STX17: variants seen among roughly 807,000 people sequenced by gnomAD.
STX17 encodes syntaxin-17.
A neutral mutation model predicts 35.9 loss-of-function variants in STX17; 29 were observed. The observed-to-expected ratio is 0.81, with a 90% CI of 0.60 to 1.10. STX17 has a LOEUF of 1.10. Among genes scored for constraint, STX17 ranks in the 50% least tolerant of loss-of-function variants. STX17 has a pLI of 0.00. For synonymous variants in STX17, 92 were observed against 118.3 expected (o/e 0.78, Z 1.44); for missense variants, 312 against 352.3 (o/e 0.89, Z 0.92).
intron 6 of STX17, 118 bp from the exon 7 acceptor site, chr9:99,967,534 AC>A (rs1829939485): frequency 1.5e-6 from 1 of 655,238 alleles, no homozygotes; most frequent in Non-Finnish European, 2.6e-6. Context: ...TTAATGAACC[AC>A]TATTAAGATG....
chr9:99,938,895 T>C (rs1829295209), intron 3 of STX17, among the ~76,000 whole-genome samples: 1 of 152,088 alleles, frequency 6.6e-6, no homozygotes. Context: ...AGTGATGATG[T>C]AGAACTTGTT....
intron 3 of STX17, among the ~76,000 whole-genome samples, chr9:99,929,641 A>G (rs1273728287): frequency 2.0e-5 from 3 of 151,130 alleles, no homozygotes; most frequent in Admixed American, 6.6e-5. Flanking sequence ...CTAGGTTCCT[A>G]CCTTGCTCTC....
chr9:99,955,352 T>C (rs1205074496), intron 4 of STX17, among the ~76,000 whole-genome samples: 1 of 152,128 alleles, frequency 6.6e-6, no homozygotes, highest in Non-Finnish European at 1.5e-5. Context: ...TATTATATGA[T>C]TCAGAAGATG....
intron 3 of STX17, among the ~76,000 whole-genome samples, chr9:99,931,959 G>A (rs1829133938): frequency 6.6e-6 from 1 of 152,126 alleles, no homozygotes. Context: ...TTCACTTAAG[G>A]ATGCTTGGGC....
chr9:99,931,161 A>G (rs1323471236), intron 3 of STX17, among the ~76,000 whole-genome samples: 1 of 152,090 alleles, frequency 6.6e-6, no homozygotes, highest in Non-Finnish European at 1.5e-5. Flanking sequence ...TTGTATTTTT[A>G]GTAGAAACGG....
Position 99,968,704 on chromosome 9 carries a change from A to G in STX17, c.*31A>G, listed in dbSNP as rs1401395938. On this transcript the variant is annotated 3_prime_UTR_variant, in exon 8 of 8. Transcript: ENST00000259400. ...AAATTTCAGTATTATTGGTGCCAACATGTCTATCCTGAGGACCTTTGCTGC... is the reference window on the plus strand; with the variant it reads ...AAATTTCAGTATTATTGGTGCCAACGTGTCTATCCTGAGGACCTTTGCTGC... 2 of 1,598,558 alleles carry G rather than the reference A, an allele frequency of 1.3e-6. No individual in the cohort carries two copies. The highest frequency in any genetic ancestry group is 1.1e-5 in the South Asian group (1 of 87,602).
At chr9:99,923,515 A>G (rs775375856) in intron 2 of STX17, among the ~76,000 whole-genome samples, 3 of 152,192 alleles carry the variant, frequency 2.0e-5, no homozygotes, top group Admixed American at 6.5e-5. Context: ...ACAGTCACCA[A>G]CACAGAAGAC....
chr9:99,945,220 A>G (rs1050040336), intron 3 of STX17, among the ~76,000 whole-genome samples: 2 of 151,878 alleles, frequency 1.3e-5, no homozygotes, highest in Non-Finnish European at 2.9e-5. Flanking sequence ...TTCCCTTATG[A>G]TTGTGGATTT....
chr9:99,959,591 C>G (rs1440637249), intron 4 of STX17, among the ~76,000 whole-genome samples: 1 of 151,280 alleles, frequency 6.6e-6, no homozygotes, highest in African/African-American at 2.4e-5. Flanking sequence ...TCCCAAGTAG[C>G]TGGGACTACA....
chr9:99,955,998 G>A (rs1459384165), intron 4 of STX17, among the ~76,000 whole-genome samples: 1 of 152,102 alleles, frequency 6.6e-6, no homozygotes, highest in African/African-American at 2.4e-5. Context: ...TTAAATGCAA[G>A]CTGGAATAAA....
rs898255592 is a variant in STX17 at position 99,970,598 on chromosome 9, A to G, written c.*1925A>G. 3.3e-5 allele frequency among the ~76,000 whole-genome samples: 5 copies of G among 152,194 alleles called. No homozygotes were observed. Among genetic ancestry groups the G allele is most frequent in the African/African-American group, 1.2e-4 (5 of 41,446 alleles). ...TACTAAAGCAAGATTCCTAAACCTC[A>G]GTTCCAGGGGTAATTCTGACATCAC... On this transcript the variant is annotated 3_prime_UTR_variant, in exon 8 of 8. Transcript: ENST00000259400.
rs1829887763 is a variant in STX17, at chr9:99,964,995, G to A, written c.583-2658G>A. Among the ~76,000 whole-genome samples, 3 of 152,114 alleles carry A rather than the reference G, an allele frequency of 2.0e-5. No individual in the cohort carries two copies. In the South Asian group the frequency reaches 6.2e-4, roughly 32 times the overall value. On this transcript the variant is annotated intron_variant, in intron 6 of 7. Transcript: ENST00000259400. ...CGTGCACAATCGAGGGGTGATTATTGATCCCAGGATAGGGGCTGTCTGCCC... is the reference window on the plus strand; with the variant it reads ...CGTGCACAATCGAGGGGTGATTATTAATCCCAGGATAGGGGCTGTCTGCCC...
At chr9:99,934,591 GC>G (rs1476037060) in intron 3 of STX17, among the ~76,000 whole-genome samples, 1 of 152,094 alleles carries the variant, frequency 6.6e-6, no homozygotes, top group Non-Finnish European at 1.5e-5. Context: ...TGACTCTGGA[GC>G]CCTTAGCAAT....
chr9:99,908,351 A>G (rs578044124), intron 1 of STX17, among the ~76,000 whole-genome samples: 67 of 152,200 alleles, frequency 4.4e-4, no homozygotes, highest in Non-Finnish European at 9.1e-4. Context: ...TTCAGCAATT[A>G]TTATGACTAT....
intron 4 of STX17, among the ~76,000 whole-genome samples, chr9:99,957,951 G>A (rs1006960986): frequency 6.6e-6 from 1 of 151,546 alleles, no homozygotes; most frequent in Non-Finnish European, 1.5e-5. Flanking sequence ...TTTCTTACAC[G>A]GTGGCTATAG....
intron 3 of STX17, among the ~76,000 whole-genome samples, chr9:99,946,495 C>T (rs1829485505): frequency 6.6e-6 from 1 of 152,146 alleles, no homozygotes; most frequent in Non-Finnish European, 1.5e-5. Flanking sequence ...TATTTCTAAA[C>T]ACCACAGACA....
intron 3 of STX17, among the ~76,000 whole-genome samples, chr9:99,931,849 T>C (rs1248083291): frequency 6.6e-6 from 1 of 152,258 alleles, no homozygotes. Context: ...TTTCTTGTTC[T>C]CTTTTCCTTT....
chr9:99,912,928 G>A (rs1037220297), intron 1 of STX17, among the ~76,000 whole-genome samples: 2 of 151,804 alleles, frequency 1.3e-5, no homozygotes, highest in Non-Finnish European at 2.9e-5. Flanking sequence ...TTTTAATGAG[G>A]GGCTTGGTAA....
intron 3 of STX17, among the ~76,000 whole-genome samples, chr9:99,946,662 G>T (rs10739792): frequency 0.4 from 61,173 of 151,908 alleles, 13,098 homozygotes; most frequent in East Asian, 0.7. Context: ...CTTACTGTGT[G>T]TTATTGACTG....
Sources: allele counts gnomAD v4.1 joint callset (sites outside exome capture counted in the v4.1 genomes callset), GRCh38; gene constraint gnomAD v4.1.1; transcripts MANE v1.5; gene names NCBI Gene and HGNC (gene_info 2026-07-23, HGNC 2026-07-21).